Variants in PPDPFL observed in about 807,000 individuals in gnomAD.
PPDPFL encodes pancreatic progenitor cell differentiation and proliferation factor-like protein.
In PPDPFL, 12 loss-of-function variants were observed where a neutral mutation model predicts 12.6. The observed-to-expected ratio is 0.95, with a 90% CI of 0.61 to 1.54. The LOEUF (loss-of-function observed/expected upper bound fraction) is 1.54. Ranked by LOEUF, PPDPFL falls within the 40% of genes most tolerant of loss-of-function variation. The probability of loss-of-function intolerance (pLI) is 0.00; values close to 1 mark genes in which losing one functional copy is unlikely to be tolerated. For missense variants in PPDPFL, 114 were observed against 96.0 expected, an observed-to-expected ratio of 1.19 and a Z score of -0.78; for synonymous variants, 24 against 32.7, an observed-to-expected ratio of 0.73 and a Z score of 0.91.
intron 1 of PPDPFL, among the ~76,000 whole-genome samples, chr8:49,065,072 T>G (rs1428875206): frequency 6.6e-6 from 1 of 152,178 alleles, no homozygotes; most frequent in Non-Finnish European, 1.5e-5. Flanking sequence ...AACACAGATG[T>G]GGCTTGAGCC....
At chr8:49,058,206 G>A (rs1323440709) in intron 1 of PPDPFL, among the ~76,000 whole-genome samples, 1 of 152,152 alleles carries the variant, frequency 6.6e-6, no homozygotes, top group Non-Finnish European at 1.5e-5. Context: ...CCAACTTTCA[G>A]TCCTAATCTT....
intron 1 of PPDPFL, among the ~76,000 whole-genome samples, chr8:49,061,533 G>C (rs746171608): frequency 3.3e-5 from 5 of 152,190 alleles, no homozygotes; most frequent in Non-Finnish European, 7.3e-5. Flanking sequence ...ATGGTGGAAG[G>C]GGCTGCTTTA....
At chr8:49,056,908 C>T (rs1808119502) in intron 1 of PPDPFL, among the ~76,000 whole-genome samples, 1 of 152,134 alleles carries the variant, frequency 6.6e-6, no homozygotes, top group Non-Finnish European at 1.5e-5. Flanking sequence ...ATAGCTGTTA[C>T]TTTGAACCAT....
At position 49,075,426 on chromosome 8, in the gene PPDPFL, T is replaced by C; in HGVS notation, c.*253T>C. Reference sequence around the variant, plus strand: ...TATAAAAAAAGTTTAGGCATTTTTCTCAACACAAAGACTATCGCTGGAAGT... The same window carrying C: ...TATAAAAAAAGTTTAGGCATTTTTCCCAACACAAAGACTATCGCTGGAAGT... On this transcript the variant is annotated 3_prime_UTR_variant, in exon 5 of 5. Transcript: ENST00000522267. The C allele has an allele frequency of 1.4e-6, 1 of 718,094 alleles. No homozygotes were observed. The highest frequency in any genetic ancestry group is 2.2e-5 in the Admixed American group (1 of 44,564). 44.5% of individuals were successfully genotyped at this position (718,094 alleles called of 1,614,324 possible). A position where few individuals can be genotyped will look rare whatever the true frequency, so the allele number is the denominator to read the frequency against.
intron 1 of PPDPFL, among the ~76,000 whole-genome samples, chr8:49,065,631 A>C (rs889789024): frequency 6.6e-6 from 1 of 152,244 alleles, no homozygotes. Context: ...GAAAAAGGGC[A>C]AAAGAGAAAT....
intron 1 of PPDPFL, among the ~76,000 whole-genome samples, chr8:49,058,703 C>T (rs977202279): frequency 6.6e-6 from 1 of 152,112 alleles, no homozygotes. Context: ...AAAGAAGGAG[C>T]CAGATAAGAA....
At chr8:49,074,009 T>C (rs898033390) in intron 2 of PPDPFL, 50 bp from the exon 3 acceptor site, 1 of 1,238,562 alleles carries the variant, frequency 8.1e-7, no homozygotes, top group Admixed American at 1.7e-5. Context: ...GCGGATTTGC[T>C]TGTCTGGTTG....
At chr8:49,057,484 A>G (rs1805128598) in intron 1 of PPDPFL, among the ~76,000 whole-genome samples, 1 of 152,142 alleles carries the variant, frequency 6.6e-6, no homozygotes, top group African/African-American at 2.4e-5. Flanking sequence ...AAATAATATG[A>G]GTGAGTTTGC....
intron 1 of PPDPFL, among the ~76,000 whole-genome samples, chr8:49,061,999 A>T (rs1029468497): frequency 7.4e-6 from 1 of 134,476 alleles, no homozygotes; most frequent in Non-Finnish European, 1.7e-5. Flanking sequence ...GCTTAAAAGG[A>T]TGCACCATAT....
At chr8:49,059,265 G>A (rs1808158985) in intron 1 of PPDPFL, among the ~76,000 whole-genome samples, 1 of 152,066 alleles carries the variant, frequency 6.6e-6, no homozygotes, top group South Asian at 2.1e-4. Flanking sequence ...GGTGTGGAGG[G>A]TAGCATGTAA....
intron 1 of PPDPFL, among the ~76,000 whole-genome samples, chr8:49,062,309 A>C (rs753903238): frequency 1.3e-5 from 2 of 152,194 alleles, no homozygotes; most frequent in Middle Eastern, 3.2e-3. Flanking sequence ...TGAAACCGAT[A>C]TGTTGTGAGG....
At chr8:49,072,692 G>T in intron 1 of PPDPFL, 95 bp from the exon 2 acceptor site, 2 of 567,186 alleles carry the variant, frequency 3.5e-6, no homozygotes, top group South Asian at 2.7e-5. Context: ...TTATTACATG[G>T]TAAATGATAA....
At chr8:49,069,172 C>T (rs751471395), upstream of PPDPFL, among the ~76,000 whole-genome samples, 5 of 152,024 alleles carry the variant, frequency 3.3e-5, no homozygotes, top group East Asian at 1.9e-4. Flanking sequence ...GTGATTATTG[C>T]GTGCCCCATC....
upstream of PPDPFL, among the ~76,000 whole-genome samples, chr8:49,067,657 A>G (rs1424269367): frequency 3.9e-5 from 6 of 152,246 alleles, no homozygotes; most frequent in Non-Finnish European, 8.8e-5. Context: ...ATAAATTTAG[A>G]AAGGGTAATA....
At chr8:49,062,609 G>A (rs1408953900) in intron 1 of PPDPFL, among the ~76,000 whole-genome samples, 1 of 152,140 alleles carries the variant, frequency 6.6e-6, no homozygotes, top group East Asian at 1.9e-4. Context: ...TACTTACAAT[G>A]GGAATGACAA....
rs756886895 is a variant in PPDPFL, at chr8:49,075,290, A to G, written c.*117A>G. ...CTCTGCCTGCTGCAGTGGTCCATACATGAACAGCTCCCCTTCAGCGCCCCA... is the reference window on the plus strand; with the variant it reads ...CTCTGCCTGCTGCAGTGGTCCATACGTGAACAGCTCCCCTTCAGCGCCCCA... On this transcript the variant is annotated 3_prime_UTR_variant, in exon 5 of 5. Transcript: ENST00000522267. 2 of 1,610,340 alleles carry G rather than the reference A, an allele frequency of 1.2e-6. No individual in the cohort carries two copies. The highest frequency in any genetic ancestry group is 1.3e-5 in the African/African-American group (1 of 74,860).
Position 49,075,169 on chromosome 8 carries a change from T to C in PPDPFL, c.251T>C (p.Leu84Ser), listed in dbSNP as rs752222292. The C allele has an allele frequency of 6.8e-6, 11 of 1,613,186 alleles. 1 individual carries two copies. In the South Asian group the frequency reaches 1.1e-4, roughly 16 times the overall value. ...CAACCCAGATTACAGATGAGCACTTTGTAGCTGATCATCTTTGCACTGCCA... is the reference window on the plus strand; with the variant it reads ...CAACCCAGATTACAGATGAGCACTTCGTAGCTGATCATCTTTGCACTGCCA... ...LSATGLQMST[L>S] The change falls in exon 5 of 5, where the codon TTG becomes TCG. Residue 84 changes from leucine (L) to serine (S), a missense_variant. By Grantham distance (145) the Leu-to-Ser change is moderately radical (BLOSUM62 -2). Transcript: ENST00000522267.
upstream of PPDPFL, among the ~76,000 whole-genome samples, chr8:49,069,789 G>A (rs531951340): frequency 2.0e-5 from 3 of 152,268 alleles, no homozygotes; most frequent in East Asian, 5.8e-4. Context: ...ACAAAAATTA[G>A]TCGGGCATGG....
intron 1 of PPDPFL, among the ~76,000 whole-genome samples, chr8:49,061,503 A>T (rs1242536836): frequency 1.3e-5 from 2 of 152,176 alleles, no homozygotes; most frequent in Non-Finnish European, 2.9e-5. Flanking sequence ...ATGCCCACAG[A>T]TGGAAATTGG....
Sources: allele counts gnomAD v4.1 joint callset (sites outside exome capture counted in the v4.1 genomes callset), GRCh38; gene constraint gnomAD v4.1.1; transcripts MANE v1.5; gene names NCBI Gene and HGNC (gene_info 2026-07-23, HGNC 2026-07-21).